Variants in RBMS3 observed in about 807,000 individuals in gnomAD.
RBMS3 encodes RNA binding motif single stranded interacting protein 3.
In RBMS3, 27 loss-of-function variants were observed where a neutral mutation model predicts 66.8. That is an observed-to-expected ratio of 0.40 (90% confidence interval 0.30 to 0.56). The LOEUF is 0.56. Ranked by LOEUF, RBMS3 falls within the 20% of genes least tolerant of loss-of-function variation. The pLI is 0.40. For missense variants in RBMS3, 513 were observed against 549.5 expected (o/e 0.93, Z 0.66); for synonymous variants, 188 against 183.0 (o/e 1.03, Z -0.22).
intron 1 of RBMS3, among the ~76,000 whole-genome samples, chr3:29,407,727 T>G (rs1456441204): frequency 6.6e-6 from 1 of 152,188 alleles, no homozygotes; most frequent in Non-Finnish European, 1.5e-5. Flanking sequence ...GCCACATATT[T>G]CTGCCCTGTT....
chr3:29,645,214 A>G (rs575814404), intron 4 of RBMS3, among the ~76,000 whole-genome samples: 2 of 152,344 alleles, frequency 1.3e-5, no homozygotes, highest in African/African-American at 4.8e-5. Flanking sequence ...ACCTCTATGT[A>G]TTTACAAATG....
At chr3:29,923,061 G>A (rs7630653) in intron 10 of RBMS3, among the ~76,000 whole-genome samples, 80,893 of 152,146 alleles carry the variant, frequency 0.53, 23,356 homozygotes, top group Non-Finnish European at 0.66. Context: ...TACCTCCATT[G>A]GCTAACTCGA....
At chr3:29,913,648 C>T (rs1019582146) in intron 10 of RBMS3, among the ~76,000 whole-genome samples, 1 of 151,908 alleles carries the variant, frequency 6.6e-6, no homozygotes, top group African/African-American at 2.4e-5. Flanking sequence ...AACTTGGGTT[C>T]TGAATAATAA....
intron 1 of RBMS3, among the ~76,000 whole-genome samples, chr3:29,379,853 A>G (rs1338984230): frequency 6.6e-6 from 1 of 152,186 alleles, no homozygotes; most frequent in Non-Finnish European, 1.5e-5. Flanking sequence ...TTAATAAATC[A>G]TTTCAGTCTG....
chr3:29,351,696 T>A (rs12487739), intron 1 of RBMS3, among the ~76,000 whole-genome samples: 44,851 of 151,930 alleles, frequency 0.3, 6,903 homozygotes, highest in African/African-American at 0.37. Flanking sequence ...TATGATATTT[T>A]TGCCATATAG....
At chr3:29,674,673 C>T (rs1368832140) in intron 4 of RBMS3, among the ~76,000 whole-genome samples, 3 of 139,262 alleles carry the variant, frequency 2.2e-5, no homozygotes, top group Non-Finnish European at 3.0e-5. Flanking sequence ...GAATAAAATA[C>T]ATAGGAATCC....
chr3:29,302,640 A>C (rs1172599506), intron 1 of RBMS3, among the ~76,000 whole-genome samples: 6 of 152,102 alleles, frequency 3.9e-5, no homozygotes, highest in Non-Finnish European at 8.8e-5. Flanking sequence ...TAATTTTAAA[A>C]TATATCTAAA....
At chr3:29,569,784 C>T (rs1300728819) in intron 3 of RBMS3, among the ~76,000 whole-genome samples, 1 of 152,028 alleles carries the variant, frequency 6.6e-6, no homozygotes, top group East Asian at 1.9e-4. Flanking sequence ...GAAAGCATTG[C>T]CTATTTCCAT....
intron 12 of RBMS3, among the ~76,000 whole-genome samples, chr3:29,975,622 C>A (rs73829217): frequency 0.015 from 2,214 of 151,996 alleles, 61 homozygotes; most frequent in African/African-American, 0.051. Context: ...TGAATATTCA[C>A]ATGCAGTTCT....
chr3:29,461,624 G>A (rs1376149957), intron 2 of RBMS3, among the ~76,000 whole-genome samples: 1 of 152,182 alleles, frequency 6.6e-6, no homozygotes, highest in Non-Finnish European at 1.5e-5. Flanking sequence ...TTTCGTTTGT[G>A]AGATATTTGT....
intron 3 of RBMS3, among the ~76,000 whole-genome samples, chr3:29,513,261 G>A (rs2044484861): frequency 1.3e-5 from 2 of 152,100 alleles, no homozygotes; most frequent in South Asian, 4.1e-4. Flanking sequence ...AACTGTACTT[G>A]TTTGATTGGA....
intron 4 of RBMS3, among the ~76,000 whole-genome samples, chr3:29,734,032 A>C (rs895468176): frequency 1.2e-4 from 19 of 152,270 alleles, no homozygotes; most frequent in African/African-American, 4.6e-4. Flanking sequence ...ACACCCACAC[A>C]CACACACACA....
At chr3:29,701,810 G>C (rs1256015425) in intron 4 of RBMS3, among the ~76,000 whole-genome samples, 3 of 151,750 alleles carry the variant, frequency 2.0e-5, no homozygotes, top group African/African-American at 4.9e-5. Flanking sequence ...TCTCCCAGCG[G>C]GGCAGGGCTT....
chr3:29,495,127 ATTG>A (rs1488149609), intron 3 of RBMS3, among the ~76,000 whole-genome samples: 6 of 149,110 alleles, frequency 4.0e-5, no homozygotes, highest in Non-Finnish European at 7.5e-5. Flanking sequence ...AAAATCATAA[ATTG>A]TTATTTCTTC....
intron 1 of RBMS3, among the ~76,000 whole-genome samples, chr3:29,362,300 T>C (rs2037646138): frequency 6.6e-6 from 1 of 151,834 alleles, no homozygotes; most frequent in Non-Finnish European, 1.5e-5. Context: ...TGTTGGAGTT[T>C]CCTGGAGGTC....
chr3:29,707,277 A>C lies in RBMS3; in HGVS notation c.400-32443A>C, dbSNP rs563358972. Among the ~76,000 whole-genome samples, 3 of 152,298 alleles carry C rather than the reference A, an allele frequency of 2.0e-5. No homozygotes were observed. The East Asian group carries it at 5.8e-4, about 29-fold the overall frequency. On this transcript the variant is annotated intron_variant, in intron 4 of 14. Transcript: ENST00000383767. Reference sequence around the variant, plus strand: ...TCTTTTACAGATGATTATTGCGAGAAGTGAATTAAGATGTTTGAAATAAAT... The same window carrying C: ...TCTTTTACAGATGATTATTGCGAGACGTGAATTAAGATGTTTGAAATAAAT...
intron 4 of RBMS3, among the ~76,000 whole-genome samples, chr3:29,636,683 T>G (rs1327232099): frequency 6.6e-6 from 1 of 151,918 alleles, no homozygotes; most frequent in Non-Finnish European, 1.5e-5. Flanking sequence ...TGGAAATACT[T>G]GCAATACTAG....
chr3:29,480,842 A>G (rs917750236), intron 2 of RBMS3, among the ~76,000 whole-genome samples: 4 of 152,208 alleles, frequency 2.6e-5, no homozygotes, highest in African/African-American at 9.6e-5. Context: ...TGTACATTTC[A>G]GAGAAATATA....
intron 6 of RBMS3, among the ~76,000 whole-genome samples, chr3:29,815,145 C>G (rs922888572): frequency 1.3e-5 from 2 of 152,174 alleles, no homozygotes; most frequent in African/African-American, 4.8e-5. Context: ...TCATCTTCAA[C>G]TGCAGCACAA....
Sources: allele counts gnomAD v4.1 joint callset (sites outside exome capture counted in the v4.1 genomes callset), GRCh38; gene constraint gnomAD v4.1.1; transcripts MANE v1.5; gene names NCBI Gene and HGNC (gene_info 2026-07-23, HGNC 2026-07-21).